Variants in EYS observed in about 807,000 individuals in gnomAD.
EYS encodes protein eyes shut homolog.
In EYS, 250 loss-of-function variants were observed where a neutral mutation model predicts 282.1. The observed-to-expected ratio is 0.89, with a 90% CI of 0.80 to 0.98. EYS has a LOEUF of 0.98. Ranked by LOEUF, EYS falls within the 50% of genes least tolerant of loss-of-function variation. The pLI is 0.00. For synonymous variants in EYS, 1,355 were observed against 1,282.9 expected, an observed-to-expected ratio of 1.06 and a Z score of -1.20; for missense variants, 4,016 against 3,709.0, an observed-to-expected ratio of 1.08 and a Z score of -2.15.
At chr6:64,641,956 A>C (rs1038290348) in intron 22 of EYS, among the ~76,000 whole-genome samples, 1 of 152,174 alleles carries the variant, frequency 6.6e-6, no homozygotes, top group African/African-American at 2.4e-5. Flanking sequence ...ATTTTCTTCC[A>C]AAAAACCAGT....
At chr6:64,642,388 T>C (rs1384977272) in intron 22 of EYS, among the ~76,000 whole-genome samples, 1 of 152,208 alleles carries the variant, frequency 6.6e-6, no homozygotes, top group East Asian at 1.9e-4. Flanking sequence ...TGTGCCATTA[T>C]ATATTATGCT....
At chr6:64,531,191 T>G (rs1409917804) in intron 26 of EYS, among the ~76,000 whole-genome samples, 1 of 152,028 alleles carries the variant, frequency 6.6e-6, no homozygotes, top group Non-Finnish European at 1.5e-5. Flanking sequence ...AAAAGAAAAA[T>G]GTAACTTAGG....
intron 29 of EYS, among the ~76,000 whole-genome samples, chr6:64,308,679 G>T (rs1016289377): frequency 2.0e-5 from 3 of 151,890 alleles, no homozygotes; most frequent in African/African-American, 7.3e-5. Context: ...GTCTTGTTTA[G>T]AAATTTCAGG....
intron 14 of EYS, among the ~76,000 whole-genome samples, chr6:64,965,000 T>A (rs1770045792): frequency 1.3e-5 from 2 of 152,090 alleles, no homozygotes; most frequent in South Asian, 4.1e-4. Context: ...ACCATTGCAC[T>A]CCTGCTGGAT....
chr6:64,395,496 A>T (rs1051868454), intron 28 of EYS, among the ~76,000 whole-genome samples: 5 of 152,096 alleles, frequency 3.3e-5, no homozygotes, highest in Non-Finnish European at 5.9e-5. Context: ...CATGGATGAA[A>T]TTGGAAATCA....
chr6:65,322,922 A>T (rs1270160294), intron 11 of EYS, among the ~76,000 whole-genome samples: 13 of 151,586 alleles, frequency 8.6e-5, no homozygotes, highest in Non-Finnish European at 1.8e-4. Flanking sequence ...ACATCCTGCT[A>T]TTTAATTTGC....
At chr6:65,066,678 G>T (rs1773754852) in intron 12 of EYS, among the ~76,000 whole-genome samples, 1 of 152,100 alleles carries the variant, frequency 6.6e-6, no homozygotes, top group South Asian at 2.1e-4. Context: ...ATTCAAACTT[G>T]AATTCATTAG....
intron 14 of EYS, among the ~76,000 whole-genome samples, chr6:64,951,956 C>A (rs1220382708): frequency 2.6e-5 from 4 of 151,726 alleles, no homozygotes; most frequent in African/African-American, 7.3e-5. Context: ...AAGAGAGTGA[C>A]CACAGATTTA....
chr6:64,264,016 T>TA (rs1359703456), intron 30 of EYS, among the ~76,000 whole-genome samples: 1 of 152,184 alleles, frequency 6.6e-6, no homozygotes, highest in African/African-American at 2.4e-5. Context: ...CCCATGTATT[T>TA]ACATGTTGCA....
At chr6:64,678,470 T>C (rs1769772036) in intron 22 of EYS, among the ~76,000 whole-genome samples, 1 of 151,880 alleles carries the variant, frequency 6.6e-6, no homozygotes, top group South Asian at 2.1e-4. Context: ...CCCAGCTACT[T>C]GGGAGGCTGA....
chr6:64,847,634 G>A (rs1010085332), intron 19 of EYS, among the ~76,000 whole-genome samples: 1 of 151,926 alleles, frequency 6.6e-6, no homozygotes, highest in Non-Finnish European at 1.5e-5. Context: ...ACCCAACAGT[G>A]TTTTTAAAAG....
intron 26 of EYS, among the ~76,000 whole-genome samples, chr6:64,525,431 C>T (rs1304050411): frequency 3.3e-5 from 5 of 151,642 alleles, no homozygotes; most frequent in African/African-American, 1.2e-4. Flanking sequence ...GACAGAAAAC[C>T]AAATACCACA....
intron 36 of EYS, among the ~76,000 whole-genome samples, chr6:63,816,355 ATAAAG>A (rs1771178485): frequency 1.3e-5 from 2 of 152,232 alleles, no homozygotes; most frequent in Non-Finnish European, 2.9e-5. Flanking sequence ...ACATAATGAA[ATAAAG>A]TATTTTATTT....
chr6:64,091,760 T>C (rs182006090), intron 31 of EYS, among the ~76,000 whole-genome samples: 134 of 152,338 alleles, frequency 8.8e-4, no homozygotes, highest in African/African-American at 3.1e-3. Context: ...TTGTCTTTTT[T>C]TTAATTATAC....
chr6:64,279,481 C>A (rs1768230476), intron 30 of EYS, among the ~76,000 whole-genome samples: 1 of 152,016 alleles, frequency 6.6e-6, no homozygotes, highest in Admixed American at 6.5e-5. Flanking sequence ...CTCTAGAGAC[C>A]TTTCTATCCA....
Position 65,344,167 on chromosome 6 carries a change from G to A in EYS, c.1470C>T (p.Gly490=), listed in dbSNP as rs778161042. Residue 490 remains glycine, a synonymous_variant, in exon 10 of 43, where the codon GGC becomes GGT. Transcript: ENST00000503581. ...VWQLGFAGSE[G]EKCQGVIDAY... ...CATCAATAACCCCTTGGCACTTTTC[G>A]CCTTCAGATCCTTTAAAAAAAAAGA... 8.5e-5 allele frequency: 137 copies of A among 1,608,138 alleles called. No homozygotes were observed. The highest frequency in any genetic ancestry group is 1.2e-4 in the Admixed American group (7 of 59,560).
At chr6:64,952,960 A>C (rs1477737772) in intron 14 of EYS, among the ~76,000 whole-genome samples, 1 of 151,900 alleles carries the variant, frequency 6.6e-6, no homozygotes, top group Non-Finnish European at 1.5e-5. Context: ...ATCTATAATG[A>C]TATTCATTGG....
intron 7 of EYS, among the ~76,000 whole-genome samples, chr6:65,396,060 C>T (rs951637325): frequency 6.6e-6 from 1 of 152,192 alleles, no homozygotes; most frequent in African/African-American, 2.4e-5. Flanking sequence ...ATATTACATG[C>T]ATACACATGC....
chr6:65,270,280 C>A (rs781587154), intron 12 of EYS, among the ~76,000 whole-genome samples: 4 of 152,164 alleles, frequency 2.6e-5, no homozygotes, highest in Non-Finnish European at 5.9e-5. Context: ...GATCTTAAGG[C>A]TCAAGGATAA....
Sources: gnomAD v4.1 joint callset for allele counts (sites outside exome capture counted in the v4.1 genomes callset) on GRCh38, gnomAD v4.1.1 for gene constraint, MANE v1.5 for transcripts, NCBI Gene and HGNC (gene_info 2026-07-23, HGNC 2026-07-21) for gene names.